SORCS2: variants seen among roughly 807,000 people sequenced by gnomAD.
SORCS2 encodes the protein VPS10 domain-containing receptor SorCS2.
A neutral mutation model predicts 141.6 loss-of-function variants in SORCS2; 100 were observed. The ratio of observed to expected loss-of-function variants is 0.71; its 90% CI spans 0.60 to 0.83. The LOEUF (loss-of-function observed/expected upper bound fraction) is 0.83. SORCS2 is among the 40% of genes least tolerant of loss of function. SORCS2 has a pLI of 0.00. For synonymous variants in SORCS2, 789 were observed against 676.9 expected, an observed-to-expected ratio of 1.17 and a Z score of -2.57; for missense variants, 1,646 against 1,560.2, an observed-to-expected ratio of 1.05 and a Z score of -0.93.
intron 2 of SORCS2, among the ~76,000 whole-genome samples, chr4:7,482,779 G>A (rs867150277): frequency 4.9e-3 from 671 of 137,178 alleles, no homozygotes; most frequent in African/African-American, 0.019. Context: ...TCCCCGCTGC[G>A]GACACCCCTG....
At chr4:7,383,017 T>G (rs1252811886) in intron 1 of SORCS2, among the ~76,000 whole-genome samples, 1 of 152,114 alleles carries the variant, frequency 6.6e-6, no homozygotes, top group Admixed American at 6.5e-5. Flanking sequence ...AAAATACACC[T>G]TCTGATATTT....
At chr4:7,373,006 GTTTTT>G in intron 1 of SORCS2, among the ~76,000 whole-genome samples, 1 of 138,174 alleles carries the variant, frequency 7.2e-6, no homozygotes, top group African/African-American at 2.7e-5. Flanking sequence ...GGTGGTTTCT[GTTTTT>G]TTTTTTTTTT....
At chr4:7,439,000 T>C (rs1192748420) in intron 2 of SORCS2, among the ~76,000 whole-genome samples, 1 of 152,204 alleles carries the variant, frequency 6.6e-6, no homozygotes, top group Non-Finnish European at 1.5e-5. Flanking sequence ...GGCTCATCTT[T>C]TTTATTCCTT....
At chr4:7,616,316 CATCT>C (rs1316735857) in intron 3 of SORCS2, among the ~76,000 whole-genome samples, 6 of 152,224 alleles carry the variant, frequency 3.9e-5, no homozygotes, top group South Asian at 2.1e-4. Context: ...TCCATCCATC[CATCT>C]GTCATCTGTC....
chr4:7,513,637 T>C (rs1007880836), intron 2 of SORCS2, among the ~76,000 whole-genome samples: 3 of 152,122 alleles, frequency 2.0e-5, no homozygotes, highest in Admixed American at 1.3e-4. Context: ...TCCAGAGAGA[T>C]GGATCCCTGC....
At chr4:7,360,848 G>C (rs192094571) in intron 1 of SORCS2, among the ~76,000 whole-genome samples, 141 of 151,816 alleles carry the variant, frequency 9.3e-4, no homozygotes, top group African/African-American at 3.2e-3. Context: ...GCCTCCTAAA[G>C]TGCTGGGATT....
chr4:7,540,409 C>G (rs759636014), intron 3 of SORCS2, among the ~76,000 whole-genome samples: 1 of 152,248 alleles, frequency 6.6e-6, no homozygotes, highest in East Asian at 1.9e-4. Context: ...GAGTCATGTA[C>G]TATGTCCAGC....
intron 14 of SORCS2, among the ~76,000 whole-genome samples, chr4:7,706,502 G>T (rs113334645): frequency 7.3e-6 from 1 of 137,712 alleles, no homozygotes; most frequent in East Asian, 2.2e-4. Context: ...GCTGGGCTCC[G>T]CCTGGGCAGG....
At chr4:7,379,340 G>C (rs967346287) in intron 1 of SORCS2, among the ~76,000 whole-genome samples, 15 of 152,202 alleles carry the variant, frequency 9.9e-5, no homozygotes, top group Non-Finnish European at 1.6e-4. Flanking sequence ...CTGCCTTGGG[G>C]AGCAAACACA....
chr4:7,684,097 C>A (rs1723730437), intron 10 of SORCS2, among the ~76,000 whole-genome samples: 1 of 152,158 alleles, frequency 6.6e-6, no homozygotes, highest in African/African-American at 2.4e-5. Context: ...GGCTTCTCTC[C>A]TTGCATACCG....
At chr4:7,208,181 C>G (rs535288533) in intron 1 of SORCS2, among the ~76,000 whole-genome samples, 9 of 152,168 alleles carry the variant, frequency 5.9e-5, no homozygotes, top group East Asian at 3.9e-4. Flanking sequence ...CTCCTCACCC[C>G]CTGGGACATG....
intron 1 of SORCS2, among the ~76,000 whole-genome samples, chr4:7,210,215 T>A (rs1016172245): frequency 3.3e-5 from 5 of 152,216 alleles, no homozygotes; most frequent in African/African-American, 1.2e-4. Context: ...CCCCCGGTCA[T>A]CTTTGGCGCC....
chr4:7,514,915 T>C (rs370523043), intron 2 of SORCS2, among the ~76,000 whole-genome samples: 1 of 152,112 alleles, frequency 6.6e-6, no homozygotes, highest in Non-Finnish European at 1.5e-5. Flanking sequence ...TAAGCAAAGC[T>C]ACTCTTAACT....
At chr4:7,452,121 C>G (rs1451291217) in intron 2 of SORCS2, among the ~76,000 whole-genome samples, 1 of 152,048 alleles carries the variant, frequency 6.6e-6, no homozygotes, top group East Asian at 1.9e-4. Context: ...AGCTCCCACT[C>G]TGCCTTCCAG....
chr4:7,555,633 G>A (rs976739808), intron 3 of SORCS2, among the ~76,000 whole-genome samples: 26 of 152,214 alleles, frequency 1.7e-4, no homozygotes, highest in African/African-American at 4.3e-4. Flanking sequence ...GGAAACTGAC[G>A]TTGATTTAAA....
intron 2 of SORCS2, chr4:7,434,832 C>G (rs773224327): frequency 3.1e-6 from 5 of 1,595,280 alleles, no homozygotes; most frequent in Non-Finnish European, 4.3e-6. Context: ...TGGGGCTGGC[C>G]CTGGTGGCCC....
intron 1 of SORCS2, among the ~76,000 whole-genome samples, chr4:7,302,140 C>G (rs909591665): frequency 6.6e-6 from 1 of 152,266 alleles, no homozygotes; most frequent in Non-Finnish European, 1.5e-5. Flanking sequence ...TCTCTGGTCT[C>G]ATCCGTGATA....
intron 14 of SORCS2, among the ~76,000 whole-genome samples, chr4:7,706,853 G>A (rs1446881693): frequency 6.6e-6 from 1 of 152,258 alleles, no homozygotes; most frequent in Non-Finnish European, 1.5e-5. Context: ...CAGGGCTAGA[G>A]TATGTCCCCT....
chr4:7,638,852 C>T (rs893437318), intron 4 of SORCS2, among the ~76,000 whole-genome samples: 2 of 152,208 alleles, frequency 1.3e-5, no homozygotes, highest in South Asian at 2.1e-4. Context: ...CAGAACATTG[C>T]GCACACCCTC....
Sources: gnomAD v4.1 joint callset for allele counts (sites outside exome capture counted in the v4.1 genomes callset) on GRCh38, gnomAD v4.1.1 for gene constraint, MANE v1.5 for transcripts, NCBI Gene and HGNC (gene_info 2026-07-23, HGNC 2026-07-21) for gene names.